CCDC146: variants seen among roughly 807,000 people sequenced by gnomAD.
CCDC146 encodes coiled-coil domain-containing protein 146.
CCDC146 carries 92 observed loss-of-function variants against 119.3 expected under a neutral mutation model. The ratio of observed to expected loss-of-function variants is 0.77; its 90% CI spans 0.65 to 0.92. CCDC146 has a LOEUF of 0.92. CCDC146 is among the 40% of genes least tolerant of loss of function. The pLI is 0.00. For missense variants in CCDC146, 1,000 were observed against 1,103.0 expected (o/e 0.91, Z 1.32); for synonymous variants, 372 against 371.8 (o/e 1.00, Z -0.01).
chr7:77,256,325 T>C lies in CCDC146; in HGVS notation c.508-8T>C. On this transcript the variant is annotated splice_polypyrimidine_tract_variant and splice_region_variant and intron_variant, in intron 5 of 18. Coordinates refer to ENST00000285871, the MANE Select transcript of CCDC146 (RefSeq NM_020879.3). ...TATATAACCTAATCATCTTCACGAC[T>C]TTTAAAGGAAATGGAGAAGAAGATG... 5.1e-6 allele frequency: 8 copies of C among 1,582,724 alleles called. No homozygotes were observed. The highest frequency in any genetic ancestry group is 6.8e-6 in the Non-Finnish European group (8 of 1,168,688).
chr7:77,242,346 ATTCTT>A, intron 4 of CCDC146: 2 of 992,614 alleles, frequency 2.0e-6, no homozygotes, highest in Non-Finnish European at 2.4e-6. Context: ...GGCTCACTCT[ATTCTT>A]CTAAGAGAGC....
chr7:77,185,075 T>C (rs1345296553), intron 2 of CCDC146, among the ~76,000 whole-genome samples: 1 of 152,072 alleles, frequency 6.6e-6, no homozygotes, highest in East Asian at 1.9e-4. Context: ...AGTTTGTAGA[T>C]AACAGAGGCT....
intron 2 of CCDC146, among the ~76,000 whole-genome samples, chr7:77,168,720 C>G (rs1266578953): frequency 1.3e-5 from 2 of 152,070 alleles, no homozygotes; most frequent in African/African-American, 4.8e-5. Context: ...ATATTCAGGA[C>G]AGTTGCAAGA....
At chr7:77,194,348 TAAA>T (rs1453538074) in intron 2 of CCDC146, 1 of 152,054 alleles carries the variant, frequency 6.6e-6, no homozygotes, top group Non-Finnish European at 1.5e-5. Context: ...TTTTAAAAAG[TAAA>T]AAGTAAAAAA....
intron 1 of CCDC146, among the ~76,000 whole-genome samples, chr7:77,150,130 G>A (rs968358966): frequency 4.0e-5 from 6 of 151,758 alleles, no homozygotes; most frequent in African/African-American, 1.5e-4. Flanking sequence ...ATGACCTTGG[G>A]TTTGACAAAG....
At position 77,264,851 on chromosome 7, in the gene CCDC146, G is replaced by A. The variant is rs150529690; in HGVS notation, c.1173+2544G>A. Reference sequence around the variant, plus strand: ...CCTTGTTTTAGATATGCATCAGTTAGTTTTACATTCTATTTCTATTCTTTG... The same window carrying A: ...CCTTGTTTTAGATATGCATCAGTTAATTTTACATTCTATTTCTATTCTTTG... On this transcript the variant is annotated intron_variant, in intron 9 of 18. Coordinates refer to ENST00000285871, the MANE Select transcript of CCDC146 (RefSeq NM_020879.3). Among the ~76,000 whole-genome samples, 197 of 152,194 alleles carry A rather than the reference G, an allele frequency of 1.3e-3. 1 individual carries two copies. The highest frequency in any genetic ancestry group is 4.5e-3 in the African/African-American group (188 of 41,510).
chr7:77,192,254 A>C (rs1045678419), intron 2 of CCDC146, among the ~76,000 whole-genome samples: 1 of 152,176 alleles, frequency 6.6e-6, no homozygotes, highest in African/African-American at 2.4e-5. Context: ...TAGGTGCTTT[A>C]TATATGTGAT....
At chr7:77,256,821 AT>A (rs1793188841) in intron 6 of CCDC146, among the ~76,000 whole-genome samples, 1 of 152,152 alleles carries the variant, frequency 6.6e-6, no homozygotes, top group Non-Finnish European at 1.5e-5. Flanking sequence ...AAGAACAACC[AT>A]GGCCAGGCAC....
Position 77,196,954 on chromosome 7 carries a change from G to C in CCDC146, c.156+29130G>C. On this transcript the variant is annotated intron_variant, in intron 2 of 18. Transcript: ENST00000285871. This position sits in a 1 kb window ranked among gnomAD's most constrained non-coding sequence, Gnocchi z 4.2. ...TGCTTCTTTTGCCTATTGCGTAGTA[G>C]TCAGAGCAATCTTTATATATTAGAT... 6.2e-7 allele frequency: 1 copy of C among 1,610,596 alleles called. No homozygotes were observed. The highest frequency in any genetic ancestry group is 8.5e-7 in the Non-Finnish European group (1 of 1,178,264).
chr7:77,141,300 T>C (rs1302897220), intron 1 of CCDC146, among the ~76,000 whole-genome samples: 1 of 152,234 alleles, frequency 6.6e-6, no homozygotes, highest in African/African-American at 2.4e-5. Context: ...GTGCACATTT[T>C]CTTGATCCAG....
intron 2 of CCDC146, chr7:77,199,779 G>C: frequency 6.2e-7 from 1 of 1,613,882 alleles, no homozygotes; most frequent in Non-Finnish European, 8.5e-7. Context: ...GCCAGTACCA[G>C]TTAGCCAGCT....
At chr7:77,231,681 A>G (rs1477807186) in intron 2 of CCDC146, among the ~76,000 whole-genome samples, 1 of 152,044 alleles carries the variant, frequency 6.6e-6, no homozygotes, top group Non-Finnish European at 1.5e-5. Context: ...TATTTGATGC[A>G]TTGTCATCAT....
At position 77,262,144 on chromosome 7, in the gene CCDC146, G is replaced by T. The variant is rs374582832; in HGVS notation, c.1010G>T (p.Arg337Leu). The T allele has an allele frequency of 6.2e-7, 1 of 1,605,736 alleles. No homozygotes were observed. The highest frequency in any genetic ancestry group is 1.3e-5 in the African/African-American group (1 of 74,476). Residue 337 changes from arginine (R) to leucine (L), a missense_variant, in exon 9 of 19, where the codon CGC becomes CTC. Around this residue, in one of 2 missense-constraint regions of CCDC146, gnomAD observed 985 missense variants for 1,045.3 expected, o/e 0.94. Transcript: ENST00000285871. ...TERGILDLNLRNSLIDKQNYH... is the reference protein window; with the variant it reads ...TERGILDLNLLNSLIDKQNYH... ...AGAGGGATCTTGGATCTCAATTTAC[G>T]CAACAGTCTCATTGACAAGCAGAAC...
chr7:77,241,627 C>T (rs1337162522), intron 3 of CCDC146, 64 bp from the exon 4 acceptor site: 1 of 1,434,258 alleles, frequency 7.0e-7, no homozygotes, highest in Non-Finnish European at 9.8e-7. Context: ...CACTAGACCC[C>T]CACAGGAGCC....
intron 2 of CCDC146, among the ~76,000 whole-genome samples, chr7:77,191,925 A>G (rs1791773792): frequency 6.6e-6 from 1 of 151,866 alleles, no homozygotes; most frequent in Non-Finnish European, 1.5e-5. Flanking sequence ...ATAAAAAATA[A>G]TAATAACTAC....
intron 1 of CCDC146, among the ~76,000 whole-genome samples, chr7:77,155,800 A>G (rs1791170255): frequency 6.6e-6 from 1 of 152,206 alleles, no homozygotes; most frequent in Non-Finnish European, 1.5e-5. Flanking sequence ...GTGTGTTGGA[A>G]ACACATCATG....
chr7:77,270,626 T>A (rs569616979), intron 9 of CCDC146, among the ~76,000 whole-genome samples: 3 of 152,308 alleles, frequency 2.0e-5, no homozygotes, highest in African/African-American at 7.2e-5. Flanking sequence ...ACCTATTAGG[T>A]TAGGTTTGCA....
chr7:77,144,255 C>G lies in CCDC146; in HGVS notation c.-12+21523C>G, dbSNP rs568021472. ...TGTATAAGAATGCTTGTGATTTTTG[C>G]ACATTGATTTTGTATCCTGAGATTT... On this transcript the variant is annotated intron_variant, in intron 1 of 18. Coordinates refer to ENST00000285871, the MANE Select transcript of CCDC146 (RefSeq NM_020879.3). Among the ~76,000 whole-genome samples the G allele has an allele frequency of 5.0e-4, 76 of 151,630 alleles. 2 individuals carry two copies. The Middle Eastern group carries it at 0.01, about 20-fold the overall frequency.
intron 2 of CCDC146, among the ~76,000 whole-genome samples, chr7:77,227,398 T>C (rs1025785681): frequency 3.3e-5 from 5 of 152,176 alleles, no homozygotes; most frequent in Non-Finnish European, 7.4e-5. Flanking sequence ...CTCCACTTCC[T>C]GGGTTCATGC....
Sources: gnomAD v4.1 joint callset for allele counts (sites outside exome capture counted in the v4.1 genomes callset) on GRCh38, gnomAD v4.1.1 for gene constraint, gnomAD v4.1.1 regional missense constraint, Gnocchi (gnomAD v3.1) non-coding constraint, MANE v1.5 for transcripts, NCBI Gene and HGNC (gene_info 2026-07-23, HGNC 2026-07-21) for gene names.